Variants in TENM2 observed in about 807,000 individuals in gnomAD.
The protein encoded by TENM2 is teneurin-2.
TENM2 carries 52 observed loss-of-function variants against 245.2 expected under a neutral mutation model. The observed-to-expected ratio is 0.21, with a 90% CI of 0.17 to 0.27. TENM2 has a LOEUF of 0.27. TENM2 is among the 10% of genes least tolerant of loss of function. TENM2 has a pLI of 1.00. For synonymous variants in TENM2, 1,363 were observed against 1,438.9 expected (o/e 0.95, Z 1.19); for missense variants, 3,046 against 3,666.8 (o/e 0.83, Z 4.37).
At chr5:167,304,978 T>C (rs1289575820) in intron 1 of TENM2, among the ~76,000 whole-genome samples, 1 of 152,024 alleles carries the variant, frequency 6.6e-6, no homozygotes, top group Non-Finnish European at 1.5e-5. Flanking sequence ...ATTTAATAAA[T>C]AGTTGTTGAA....
intron 2 of TENM2, among the ~76,000 whole-genome samples, chr5:167,843,407 C>T (rs1024717254): frequency 3.3e-5 from 5 of 152,112 alleles, no homozygotes; most frequent in African/African-American, 1.2e-4. Flanking sequence ...GCATCCATTT[C>T]GAATTAATCA....
chr5:167,938,339 G>A (rs761576622), intron 3 of TENM2, among the ~76,000 whole-genome samples: 84 of 152,320 alleles, frequency 5.5e-4, no homozygotes, highest in Middle Eastern at 6.8e-3. Flanking sequence ...GAGGGGAAAG[G>A]CGTTGATGTA....
chr5:167,169,561 T>C, the TENM2 span, among the ~76,000 whole-genome samples: 1 of 152,174 alleles, frequency 6.6e-6, no homozygotes, highest in Non-Finnish European at 1.5e-5. Context: ...CCCAGTGTCA[T>C]TTTGAGAAAT....
chr5:167,000,110 G>A, the TENM2 span, among the ~76,000 whole-genome samples: 1 of 152,118 alleles, frequency 6.6e-6, no homozygotes, highest in African/African-American at 2.4e-5. Flanking sequence ...ATCAGATTTG[G>A]CAATGAAAAA....
intron 2 of TENM2, among the ~76,000 whole-genome samples, chr5:167,470,476 T>TTTTTTTTTTG (rs1766952080): frequency 6.9e-6 from 1 of 144,634 alleles, no homozygotes; most frequent in Non-Finnish European, 1.5e-5. Context: ...TTTTTTTTTT[T>TTTTTTTTTTG]GCTTATGGAA....
At chr5:167,833,828 C>T (rs1436579586) in intron 2 of TENM2, among the ~76,000 whole-genome samples, 1 of 152,200 alleles carries the variant, frequency 6.6e-6, no homozygotes, top group Admixed American at 6.5e-5. Flanking sequence ...CCTTCCTTCC[C>T]AAATCTTTCC....
chr5:167,427,044 C>T (rs1369518690), intron 2 of TENM2, among the ~76,000 whole-genome samples: 1 of 150,698 alleles, frequency 6.6e-6, no homozygotes, highest in Non-Finnish European at 1.5e-5. Context: ...AGGATGCCTT[C>T]GTGTGTTCAG....
the TENM2 span, among the ~76,000 whole-genome samples, chr5:167,227,851 C>G: frequency 6.6e-6 from 1 of 152,108 alleles, no homozygotes; most frequent in Non-Finnish European, 1.5e-5. Flanking sequence ...GGTTTTCCAA[C>G]CCTTTCATTC....
intron 2 of TENM2, among the ~76,000 whole-genome samples, chr5:167,824,100 G>T (rs974746365): frequency 2.6e-5 from 4 of 152,206 alleles, no homozygotes; most frequent in Admixed American, 6.5e-5. Context: ...GAGGCCAGAG[G>T]CATCGCCTGC....
intron 23 of TENM2, among the ~76,000 whole-genome samples, chr5:168,221,126 A>AAAAG (rs1228031523): frequency 6.6e-6 from 1 of 151,974 alleles, no homozygotes; most frequent in Non-Finnish European, 1.5e-5. Flanking sequence ...AAAAAAAAGA[A>AAAAG]AAAGAAAGAA....
At chr5:167,544,163 C>T (rs1429989195) in intron 2 of TENM2, among the ~76,000 whole-genome samples, 4 of 152,128 alleles carry the variant, frequency 2.6e-5, no homozygotes, top group African/African-American at 9.7e-5. Flanking sequence ...GACCTCTACT[C>T]ACCTCTGAAG....
chr5:167,966,817 G>A lies in TENM2; in HGVS notation c.947+13995G>A, dbSNP rs745672912. ...TGTTTTCAAGTGAGGTTTAAAGGTA[G>A]GATTCATTCTGGGTGAACCAAATGC... On this transcript the variant is annotated intron_variant, in intron 4 of 28. Coordinates refer to ENST00000518659, the Ensembl canonical transcript of TENM2. Among the ~76,000 whole-genome samples the A allele has an allele frequency of 5.3e-5, 8 of 152,198 alleles. No individual in the cohort carries two copies. The South Asian group carries it at 1.7e-3, about 32-fold the overall frequency.
At chr5:167,472,718 C>T (rs551912866) in intron 2 of TENM2, among the ~76,000 whole-genome samples, 2 of 152,094 alleles carry the variant, frequency 1.3e-5, no homozygotes, top group Non-Finnish European at 2.9e-5. Flanking sequence ...AGAAAAAAAA[C>T]CTTCGTGCTA....
chr5:168,076,169 T>C (rs1791448320), intron 7 of TENM2, among the ~76,000 whole-genome samples: 1 of 149,282 alleles, frequency 6.7e-6, no homozygotes, highest in African/African-American at 2.5e-5. Flanking sequence ...TCTGGTTTGC[T>C]TTATTTTTAT....
At chr5:167,321,782 C>CTTTTTTTTTTTTTTTTTTTT (rs1191717159) in intron 1 of TENM2, among the ~76,000 whole-genome samples, 1 of 59,738 alleles carries the variant, frequency 1.7e-5, no homozygotes, top group African/African-American at 6.5e-5. Flanking sequence ...GCTGCCTTGG[C>CTTTTTTTTTTTTTTTTTTTT]TTATTTTTTT....
chr5:167,273,749 G>A, the TENM2 span, among the ~76,000 whole-genome samples: 12,524 of 152,006 alleles, frequency 0.082, 737 homozygotes, highest in East Asian at 0.18. Context: ...AAGAAGCCTC[G>A]CTATACAATT....
upstream of TENM2, among the ~76,000 whole-genome samples, chr5:167,283,191 C>A (rs74755066): frequency 0.089 from 13,451 of 151,958 alleles, 778 homozygotes; most frequent in East Asian, 0.18. Flanking sequence ...TTATAGGTGC[C>A]CGCCACCAGG....
chr5:167,355,599 C>T (rs1759258877), intron 1 of TENM2, among the ~76,000 whole-genome samples: 2 of 152,204 alleles, frequency 1.3e-5, no homozygotes, highest in East Asian at 3.9e-4. Context: ...TGCTCATGAG[C>T]CGCGAGGGAG....
At chr5:167,546,382 A>G (rs1289750730) in intron 2 of TENM2, among the ~76,000 whole-genome samples, 2 of 152,174 alleles carry the variant, frequency 1.3e-5, no homozygotes, top group African/African-American at 2.4e-5. Flanking sequence ...CATAAATGGC[A>G]TGATCTCCCT....
Sources: allele counts gnomAD v4.1 joint callset (sites outside exome capture counted in the v4.1 genomes callset), GRCh38; gene constraint gnomAD v4.1.1; transcripts MANE v1.5; gene names NCBI Gene and HGNC (gene_info 2026-07-23, HGNC 2026-07-21).